RAB10: variants seen among roughly 807,000 people sequenced by gnomAD.
RAB10 encodes RAB10, member RAS oncogene family.
A neutral mutation model predicts 25.7 loss-of-function variants in RAB10; 5 were observed. The ratio of observed to expected loss-of-function variants is 0.19; its 90% CI spans 0.10 to 0.41. The LOEUF (loss-of-function observed/expected upper bound fraction) is 0.41, where lower values mean the gene tolerates loss of function less well. RAB10 is among the 10% of genes least tolerant of loss of function. RAB10 has a pLI of 1.00. For missense variants in RAB10, 103 were observed against 245.8 expected, an observed-to-expected ratio of 0.42 and a Z score of 3.89; for synonymous variants, 89 against 86.4, an observed-to-expected ratio of 1.03 and a Z score of -0.16.
intron 1 of RAB10, among the ~76,000 whole-genome samples, chr2:26,093,415 T>C (rs1195725518): frequency 1.3e-5 from 2 of 152,224 alleles, no homozygotes; most frequent in African/African-American, 2.4e-5. Context: ...ACCAATATTC[T>C]TTAGAAACAC....
intron 3 of RAB10, among the ~76,000 whole-genome samples, chr2:26,113,529 G>A (rs903111043): frequency 3.9e-5 from 6 of 151,924 alleles, no homozygotes; most frequent in African/African-American, 9.7e-5. Flanking sequence ...AGCCAAGATC[G>A]TGCCATTGTG....
At position 26,034,408 on chromosome 2, in the gene RAB10, TCGCCGCCCTCGGAGGCACTGGA is replaced by T; in HGVS notation, c.-193_-172del. ...GCTGGGAGAGGCTGCGGAGCCGCGG[TCGCCGCCCTCGGAGGCACTGGA>T]CGCCGCCACTGTCGGGGCTTCCTCA... is the stretch of plus-strand genomic sequence containing the variant. On this transcript the variant is annotated 5_prime_UTR_variant, in exon 1 of 6. Transcript: ENST00000264710. 1 of 664,056 alleles carries T rather than the reference TCGCCGCCCTCGGAGGCACTGGA, an allele frequency of 1.5e-6. No individual in the cohort carries two copies. Among genetic ancestry groups the T allele is most frequent in the East Asian group, 2.7e-5 (1 of 36,464 alleles). 41.1% of individuals were successfully genotyped at this position (664,056 alleles called of 1,614,324 possible).
In RAB10 at chr2:26,042,878, A is replaced by G. The variant is rs572963357; in HGVS notation, c.127+8143A>G. 14 of 152,294 alleles carry G rather than the reference A, an allele frequency of 9.2e-5. No homozygotes were observed. In the South Asian group the frequency reaches 2.9e-3, roughly 32 times the overall value. 9.4% of individuals were successfully genotyped at this position (152,294 alleles called of 1,614,324 possible). On this transcript the variant is annotated intron_variant, in intron 1 of 5. Coordinates refer to ENST00000264710, the MANE Select transcript of RAB10 (RefSeq NM_016131.5). ...AAGATGTTCAGCATCACTAATAATT[A>G]GGGAAATGCAAATCAAAACCACAGT...
rs565207762 is a variant in RAB10 at position 26,094,397 on chromosome 2, G to A, written c.128-4265G>A. On this transcript the variant is annotated intron_variant, in intron 1 of 5. Coordinates refer to ENST00000264710, the MANE Select transcript of RAB10 (RefSeq NM_016131.5). ...CTCCCAAGTAGCTGGGATTACAGGC[G>A]CCCACCACCACACCCGGCTAATTTT... Among the ~76,000 whole-genome samples, 25 of 142,584 alleles carry A rather than the reference G, an allele frequency of 1.8e-4. No homozygotes were observed. In the South Asian group the frequency reaches 2.5e-3, roughly 14 times the overall value. 93.5% of individuals were successfully genotyped at this position (142,584 alleles called of 152,430 possible).
At chr2:26,062,219 G>A (rs893502199) in intron 1 of RAB10, among the ~76,000 whole-genome samples, 6 of 152,192 alleles carry the variant, frequency 3.9e-5, no homozygotes, top group African/African-American at 1.4e-4. Flanking sequence ...GTAATAGATT[G>A]TATAGCATAG....
intron 1 of RAB10, among the ~76,000 whole-genome samples, chr2:26,043,568 A>G (rs1665936178): frequency 6.6e-6 from 1 of 152,214 alleles, no homozygotes; most frequent in Non-Finnish European, 1.5e-5. Context: ...TACACATAGA[A>G]TGGAATATTA....
chr2:26,109,850 A>G lies in RAB10; in HGVS notation c.271A>G (p.Ile91Val). ...GAMGIMLVYD[I>V]TNGKSFENIS... ...AATGGGTATCATGCTAGTATATGAC[A>G]TCACCAATGGTAAAAGTTTTGAAAA... Residue 91 changes from isoleucine (I) to valine (V), a missense_variant, in exon 3 of 6, where the codon ATC (isoleucine) becomes GTC (valine). By Grantham distance (29) the Ile-to-Val change is conservative. This residue lies in a region of RAB10 where 79 missense variants were observed against 217.8 expected (regional missense o/e 0.36). Coordinates refer to ENST00000264710, the MANE Select transcript of RAB10 (RefSeq NM_016131.5). 6.2e-7 allele frequency: 1 copy of G among 1,610,796 alleles called. No individual in the cohort carries two copies. The highest frequency in any genetic ancestry group is 8.5e-7 in the Non-Finnish European group (1 of 1,178,652).
chr2:26,129,435 T>C (rs1491003483), intron 5 of RAB10, among the ~76,000 whole-genome samples: 2 of 152,214 alleles, frequency 1.3e-5, no homozygotes, highest in Non-Finnish European at 2.9e-5. Flanking sequence ...TAGATGTTTG[T>C]TTTTAAATTT....
intron 1 of RAB10, among the ~76,000 whole-genome samples, chr2:26,049,867 A>G (rs902559919): frequency 2.0e-5 from 3 of 152,054 alleles, no homozygotes; most frequent in African/African-American, 7.2e-5. Flanking sequence ...TATTTGATTA[A>G]TCTCCATCTT....
At chr2:26,036,120 C>T (rs1430580286) in intron 1 of RAB10, among the ~76,000 whole-genome samples, 1 of 152,148 alleles carries the variant, frequency 6.6e-6, no homozygotes, top group Non-Finnish European at 1.5e-5. Flanking sequence ...TTTAACACTC[C>T]ACTTTTAGCT....
intron 5 of RAB10, among the ~76,000 whole-genome samples, chr2:26,130,480 T>C (rs953297845): frequency 1.2e-4 from 16 of 138,314 alleles, no homozygotes; most frequent in African/African-American, 2.5e-4. Context: ...GTCTCTCTCT[T>C]TTTTTTTTTT....
chr2:26,105,234 C>A (rs145589940), intron 2 of RAB10, among the ~76,000 whole-genome samples: 1 of 152,116 alleles, frequency 6.6e-6, no homozygotes, highest in Non-Finnish European at 1.5e-5. Context: ...GTGTGGAGAA[C>A]GGCAGTCCAT....
chr2:26,043,933 G>T (rs1485267527), intron 1 of RAB10, among the ~76,000 whole-genome samples: 1 of 152,104 alleles, frequency 6.6e-6, no homozygotes, highest in South Asian at 2.1e-4. Context: ...TGAATATGAG[G>T]CTATCTAAAG....
At chr2:26,041,613 T>G (rs1323716309) in intron 1 of RAB10, among the ~76,000 whole-genome samples, 1 of 148,750 alleles carries the variant, frequency 6.7e-6, no homozygotes, top group Non-Finnish European at 1.5e-5. Flanking sequence ...TCTTAGAAAT[T>G]GAAAGGTTGG....
intron 1 of RAB10, among the ~76,000 whole-genome samples, chr2:26,046,946 A>G (rs1394103936): frequency 1.3e-5 from 2 of 152,182 alleles, no homozygotes; most frequent in African/African-American, 4.8e-5. Context: ...CAGTTGTAAA[A>G]GGTAATACAA....
chr2:26,108,093 A>C (rs1667502437), intron 2 of RAB10, among the ~76,000 whole-genome samples: 1 of 152,242 alleles, frequency 6.6e-6, no homozygotes, highest in African/African-American at 2.4e-5. Context: ...CTCTGGAAAA[A>C]GTTGGCCAGT....
chr2:26,094,554 A>G (rs1667171980), intron 1 of RAB10, among the ~76,000 whole-genome samples: 1 of 148,594 alleles, frequency 6.7e-6, no homozygotes, highest in South Asian at 2.1e-4. Context: ...ACCTGGCCGT[A>G]TTTATTTATT....
chr2:26,131,207 A>G (rs1668006574), intron 5 of RAB10, among the ~76,000 whole-genome samples: 1 of 152,164 alleles, frequency 6.6e-6, no homozygotes, highest in Non-Finnish European at 1.5e-5. Context: ...CCTGGGCCAC[A>G]GTGGAGAAGA....
intron 3 of RAB10, among the ~76,000 whole-genome samples, chr2:26,119,892 A>T (rs560788149): frequency 6.6e-6 from 1 of 152,232 alleles, no homozygotes; most frequent in Non-Finnish European, 1.5e-5. Context: ...ATAAAGAATT[A>T]TACCTATTTC....
Sources: gnomAD v4.1 joint callset for allele counts (sites outside exome capture counted in the v4.1 genomes callset) on GRCh38, gnomAD v4.1.1 for gene constraint, gnomAD v4.1.1 regional missense constraint, MANE v1.5 for transcripts, NCBI Gene and HGNC (gene_info 2026-07-23, HGNC 2026-07-21) for gene names.